Variants in TBXAS1 observed in about 807,000 individuals in gnomAD.
TBXAS1 encodes the protein thromboxane-A synthase.
A neutral mutation model predicts 60.7 loss-of-function variants in TBXAS1; 48 were observed. That is an observed-to-expected ratio of 0.79 (90% CI 0.63 to 1.01). The LOEUF (loss-of-function observed/expected upper bound fraction) is 1.01, where lower values mean the gene tolerates loss of function less well. TBXAS1 is among the 50% of genes least tolerant of loss of function. The pLI is 0.00. For missense variants in TBXAS1, 685 were observed against 686.3 expected, an observed-to-expected ratio of 1.00 and a Z score of 0.02; for synonymous variants, 287 against 269.7, an observed-to-expected ratio of 1.06 and a Z score of -0.63.
At chr7:139,788,857 G>A (rs1350864803) in intron 4 of TBXAS1, among the ~76,000 whole-genome samples, 1 of 152,232 alleles carries the variant, frequency 6.6e-6, no homozygotes, top group Non-Finnish European at 1.5e-5. Flanking sequence ...GGACTGGGGA[G>A]GGCCTTTAGT....
At chr7:139,806,668 G>T (rs1394197616) in intron 4 of TBXAS1, among the ~76,000 whole-genome samples, 1 of 151,994 alleles carries the variant, frequency 6.6e-6, no homozygotes, top group Non-Finnish European at 1.5e-5. Context: ...CTCCCTCTCT[G>T]TCTCCTGCTT....
At chr7:139,823,803 C>T (rs1798364021) in intron 4 of TBXAS1, among the ~76,000 whole-genome samples, 1 of 152,184 alleles carries the variant, frequency 6.6e-6, no homozygotes, top group South Asian at 2.1e-4. Context: ...CCGGTTTTAT[C>T]AACCTGGGAA....
chr7:139,916,320 G>A lies in TBXAS1; in HGVS notation c.333+4999G>A, dbSNP rs1272791606. Among the ~76,000 whole-genome samples, 1 of 152,166 alleles carries A rather than the reference G, an allele frequency of 6.6e-6. No individual in the cohort carries two copies. Among genetic ancestry groups the A allele is most frequent in the Non-Finnish European group, 1.5e-5 (1 of 68,026 alleles). On this transcript the variant is annotated intron_variant, in intron 4 of 12. Coordinates refer to ENST00000448866, the MANE Select transcript of TBXAS1 (RefSeq NM_001061.7). The surrounding 1 kb of genome is among the most constrained non-coding windows in gnomAD (Gnocchi z 4.2). ...GGCCCATGTTAGCTTGGTCTGGTCA[G>A]ATAGGCATGTCAGGGATGTGTCAAA...
chr7:139,890,461 C>T (rs1226615785), intron 3 of TBXAS1, among the ~76,000 whole-genome samples: 1 of 151,894 alleles, frequency 6.6e-6, no homozygotes, highest in Non-Finnish European at 1.5e-5. Flanking sequence ...GTGATCCACC[C>T]GCCTCGGCCT....
intron 9 of TBXAS1, among the ~76,000 whole-genome samples, chr7:139,983,269 C>T (rs1461205093): frequency 6.6e-6 from 1 of 152,130 alleles, no homozygotes; most frequent in African/African-American, 2.4e-5. Flanking sequence ...CAACCATGAA[C>T]CTTCCATGTG....
intron 4 of TBXAS1, among the ~76,000 whole-genome samples, chr7:139,813,984 T>C (rs1798087483): frequency 6.6e-6 from 1 of 152,190 alleles, no homozygotes; most frequent in Non-Finnish European, 1.5e-5. Context: ...CCCTTTTGGA[T>C]TGGCTTTCTT....
chr7:140,002,559 AGT>A (rs1396238297), intron 9 of TBXAS1, among the ~76,000 whole-genome samples: 5 of 152,182 alleles, frequency 3.3e-5, no homozygotes, highest in Non-Finnish European at 5.9e-5. Context: ...TGGACCAGCC[AGT>A]GAGTGGGATA....
At chr7:139,791,161 T>A (rs1797369789) in intron 4 of TBXAS1, among the ~76,000 whole-genome samples, 1 of 152,212 alleles carries the variant, frequency 6.6e-6, no homozygotes, top group Non-Finnish European at 1.5e-5. Flanking sequence ...AACACTAATA[T>A]AGTGGAAGCC....
chr7:139,899,712 G>A (rs1466510507), intron 3 of TBXAS1, among the ~76,000 whole-genome samples: 1 of 152,156 alleles, frequency 6.6e-6, no homozygotes, highest in Non-Finnish European at 1.5e-5. Flanking sequence ...AATTGGGCTG[G>A]GGGTTTTCTG....
intron 4 of TBXAS1, among the ~76,000 whole-genome samples, chr7:139,823,578 T>C (rs1004101862): frequency 4.6e-5 from 7 of 152,132 alleles, no homozygotes; most frequent in Non-Finnish European, 1.0e-4. Flanking sequence ...CTTTCTTCCC[T>C]CTAGCCACTC....
rs1313495679 is a variant in TBXAS1, at chr7:139,986,783, GTGTGTGTGTGTGTGTGTATATATATATA to G, written c.1135-20306_1135-20279del. ...TGTGTGTGTGTGTGTGTGTGTGTGTGTGTGTGTGTGTGTGTGTATATATATATATATATACACCATAGTTTCTTTATCC... is the reference window on the plus strand; with the variant it reads ...TGTGTGTGTGTGTGTGTGTGTGTGTGTATATACACCATAGTTTCTTTATCC... On this transcript the variant is annotated intron_variant, in intron 9 of 12. Coordinates refer to ENST00000448866, the MANE Select transcript of TBXAS1 (RefSeq NM_001061.7). Among the ~76,000 whole-genome samples the G allele has an allele frequency of 4.8e-3, 244 of 50,638 alleles. 4 individuals are homozygous for G. Among genetic ancestry groups the G allele is most frequent in the South Asian group, 0.018 (24 of 1,340 alleles). The allele number at this position is 50,638 out of a possible 152,430, so 33.2% of individuals were successfully genotyped here.
intron 3 of TBXAS1, among the ~76,000 whole-genome samples, chr7:139,894,037 CA>C (rs1440024850): frequency 2.6e-5 from 4 of 152,138 alleles, no homozygotes; most frequent in Non-Finnish European, 4.4e-5. Context: ...AGCTGAGGGC[CA>C]GGGGGGAGGC....
chr7:139,789,893 A>T (rs1797326904), intron 4 of TBXAS1, among the ~76,000 whole-genome samples: 1 of 152,060 alleles, frequency 6.6e-6, no homozygotes. Context: ...GGCCTCCCAA[A>T]GTGCTGGGAT....
At position 140,012,648 on chromosome 7, in the gene TBXAS1, G is replaced by A. The variant is rs183045284; in HGVS notation, c.1227-3075G>A. Among the ~76,000 whole-genome samples, 299 of 152,058 alleles carry A rather than the reference G, an allele frequency of 2.0e-3. 1 individual carries two copies. Among genetic ancestry groups the A allele is most frequent in the Admixed American group, 4.5e-3 (68 of 15,272 alleles). ...TAATTTGGGTATTTTTAGTAGAGAC[G>A]GGGTTTCACCATGTTGGCCAGGCTG... On this transcript the variant is annotated intron_variant, in intron 10 of 12. Transcript: ENST00000448866.
intron 3 of TBXAS1, among the ~76,000 whole-genome samples, chr7:139,897,338 G>T (rs1278747627): frequency 1.3e-5 from 2 of 151,768 alleles, no homozygotes; most frequent in Non-Finnish European, 2.9e-5. Context: ...GCGGTGGGGT[G>T]GGGAGGGGGA....
chr7:139,955,455 G>A lies in TBXAS1; in HGVS notation c.540-4G>A, dbSNP rs750511169. The A allele has an allele frequency of 3.1e-6, 5 of 1,614,154 alleles. No individual in the cohort carries two copies. Among genetic ancestry groups the A allele is most frequent in the South Asian group, 1.1e-5 (1 of 91,082 alleles). ...TCAGATCTCTGTGCTCCCATCTCCC[G>A]TAGGTGCTACTGCAATTACACCACA... On this transcript the variant is annotated splice_region_variant and splice_polypyrimidine_tract_variant and intron_variant, in intron 6 of 12. Transcript: ENST00000448866.
At chr7:139,883,486 C>G (rs911341245) in intron 3 of TBXAS1, among the ~76,000 whole-genome samples, 5 of 152,196 alleles carry the variant, frequency 3.3e-5, no homozygotes, top group Non-Finnish European at 7.3e-5. Flanking sequence ...TTAATGACTA[C>G]TGCTATCTAA....
intron 1 of TBXAS1, among the ~76,000 whole-genome samples, chr7:139,837,520 A>G (rs1799146472): frequency 6.6e-6 from 1 of 152,236 alleles, no homozygotes; most frequent in South Asian, 2.1e-4. Flanking sequence ...AGTGACCTGG[A>G]TGAGATTGGA....
At chr7:139,981,725 G>A (rs537111782) in intron 9 of TBXAS1, among the ~76,000 whole-genome samples, 166 of 152,320 alleles carry the variant, frequency 1.1e-3, no homozygotes, top group African/African-American at 3.8e-3. Context: ...CACTGGGATT[G>A]TTCTTGAGGA....
Sources: allele counts gnomAD v4.1 joint callset (sites outside exome capture counted in the v4.1 genomes callset), GRCh38; gene constraint gnomAD v4.1.1; non-coding constraint Gnocchi (gnomAD v3.1); transcripts MANE v1.5; gene names NCBI Gene and HGNC (gene_info 2026-07-23, HGNC 2026-07-21).